SEMA4A: variants seen among roughly 807,000 people sequenced by gnomAD.
SEMA4A encodes semaphorin-4A.
SEMA4A carries 52 observed loss-of-function variants against 72.5 expected under a neutral mutation model. That is an observed-to-expected ratio of 0.72 (90% CI 0.57 to 0.90). The LOEUF (loss-of-function observed/expected upper bound fraction) is 0.90, where lower values mean the gene tolerates loss of function less well. Ranked by LOEUF, SEMA4A falls within the 40% of genes least tolerant of loss-of-function variation. The pLI is 0.00. For synonymous variants in SEMA4A, 369 were observed against 393.1 expected, an observed-to-expected ratio of 0.94 and a Z score of 0.73; for missense variants, 926 against 959.7, an observed-to-expected ratio of 0.96 and a Z score of 0.46.
chr1:156,175,006 G>A (rs1655175174), intron 12 of SEMA4A, 66 bp downstream of exon 12: 1 of 1,614,042 alleles, frequency 6.2e-7, no homozygotes, highest in African/African-American at 1.3e-5. Flanking sequence ...TGTTGGGCTG[G>A]CTCCCTGGGC....
At chr1:156,172,305 G>A (rs1308520092) in intron 10 of SEMA4A, among the ~76,000 whole-genome samples, 1 of 151,748 alleles carries the variant, frequency 6.6e-6, no homozygotes, top group Admixed American at 6.6e-5. Context: ...TAGTGGAGAC[G>A]GGGTTTCACC....
intron 6 of SEMA4A, 166 bp downstream of exon 6, chr1:156,158,990 A>G: frequency 3.8e-6 from 2 of 522,484 alleles, no homozygotes; most frequent in Admixed American, 4.8e-5. Context: ...GCTTGAGTTT[A>G]GGGGTTTGAG....
At chr1:156,156,653 C>G in intron 3 of SEMA4A, 79 bp downstream of exon 3, 1 of 1,394,978 alleles carries the variant, frequency 7.2e-7, no homozygotes, top group Non-Finnish European at 1.0e-6. Context: ...GCTGCCTGTG[C>G]ATGAATAACT....
intron 7 of SEMA4A, 53 bp from the exon 8 acceptor site, chr1:156,160,852 A>G: frequency 5.0e-6 from 8 of 1,611,932 alleles, no homozygotes; most frequent in Non-Finnish European, 5.9e-6. Context: ...ACTCAGGCAA[A>G]CCCAGGGCAT....
In SEMA4A at chr1:156,158,061, C is replaced by T. The variant is rs764751896; in HGVS notation, c.301-9C>T. The T allele has an allele frequency of 1.7e-5, 27 of 1,611,942 alleles. No homozygotes were observed. The Admixed American group carries it at 4.3e-4, about 26-fold the overall frequency. ...TTTTCATCTCGCCCTCCCAACTCCCCACTTTCAGATACCGTGGCCAGCCAG... is the reference window on the plus strand; with the variant it reads ...TTTTCATCTCGCCCTCCCAACTCCCTACTTTCAGATACCGTGGCCAGCCAG... On this transcript the variant is annotated splice_polypyrimidine_tract_variant and intron_variant, in intron 3 of 14. Transcript: ENST00000368285.
At position 156,172,917 on chromosome 1, in the gene SEMA4A, T is replaced by A. The variant is rs987629711; in HGVS notation, c.1226T>A (p.Val409Glu). ...CAAGTGGTGGGGACGCCCCTGCTGG[T>A]GAAATCTGGCGTGGAGTATACACGG... is the stretch of plus-strand genomic sequence containing the variant. The part of the protein sequence containing the change: ...DEQVVGTPLL[V>E]KSGVEYTRLA... The change falls in exon 11 of 15, where the codon GTG (valine) becomes GAG (glutamate). Residue 409 changes from valine to glutamate, a missense_variant. By Grantham distance (121) the Val-to-Glu change is moderately radical. Coordinates refer to ENST00000368285, the MANE Select transcript of SEMA4A (RefSeq NM_022367.4). 7 of 1,613,954 alleles carry A rather than the reference T, an allele frequency of 4.3e-6. No homozygotes were observed. In the Admixed American group the frequency reaches 8.3e-5, roughly 19 times the overall value.
rs1572433128 is a variant in SEMA4A at position 156,176,688 on chromosome 1, G to T, written c.1977G>T (p.Glu659Asp). ...LDPELAGIPR[E>D]HVKVPLTRVS... ...CTGAACTGGCAGGCATCCCCCGGGA[G>T]CATGTGAAGGTCCCGTTGACCAGGG... The change falls in exon 15 of 15, where the codon GAG (glutamate) becomes GAT (aspartate). Residue 659 changes from glutamate to aspartate, a missense_variant. By Grantham distance (45) the Glu-to-Asp change is conservative. Coordinates refer to ENST00000368285, the MANE Select transcript of SEMA4A (RefSeq NM_022367.4). 1 of 1,614,028 alleles carries T rather than the reference G, an allele frequency of 6.2e-7. No individual in the cohort carries two copies. The highest frequency in any genetic ancestry group is 1.1e-5 in the South Asian group (1 of 91,086).
chr1:156,159,132 G>A (rs1653340077), intron 6 of SEMA4A: 17 of 395,062 alleles, frequency 4.3e-5, no homozygotes, highest in South Asian at 3.8e-4. Context: ...CCAGGAGTCT[G>A]AGACCAGCCT....
chr1:156,158,982 T>C, intron 6 of SEMA4A, 158 bp downstream of exon 6: 2 of 703,798 alleles, frequency 2.8e-6, no homozygotes, highest in Non-Finnish European at 5.1e-6. Flanking sequence ...TGAAGGATGC[T>C]TGAGTTTAGG....
chr1:156,154,810 G>C (rs1652865033), intron 2 of SEMA4A, 93 bp downstream of exon 2: 4 of 1,426,904 alleles, frequency 2.8e-6, no homozygotes, highest in Non-Finnish European at 3.8e-6. Context: ...GGAGGAAATG[G>C]ATATGGAGAA....
At chr1:156,173,114 T>C in intron 11 of SEMA4A, 108 bp downstream of exon 11, 1 of 1,146,348 alleles carries the variant, frequency 8.7e-7, no homozygotes, top group Non-Finnish European at 1.3e-6. Context: ...AACAACTGTT[T>C]ACTGAGCACC....
intron 1 of SEMA4A, 132 bp from the exon 2 acceptor site, chr1:156,154,418 C>A: frequency 1.3e-6 from 1 of 782,378 alleles, no homozygotes; most frequent in Non-Finnish European, 2.1e-6. Flanking sequence ...GATAGGGAAC[C>A]TTCTCTGCCC....
chr1:156,171,774 A>T (rs116284708), intron 10 of SEMA4A, among the ~76,000 whole-genome samples: 24,888 of 150,354 alleles, frequency 0.17, 2,238 homozygotes, highest in Admixed American at 0.21. Context: ...TTAATTAATT[A>T]ATTAATTAAT....
chr1:156,163,443 C>A, intron 10 of SEMA4A: 1 of 316,486 alleles, frequency 3.2e-6, no homozygotes. Context: ...AGGCCAGGGC[C>A]GGGTGTGGTG....
At chr1:156,160,633 C>T in intron 7 of SEMA4A, 74 bp downstream of exon 7, 4 of 1,342,612 alleles carry the variant, frequency 3.0e-6, no homozygotes, top group Admixed American at 1.8e-5. Context: ...CTTTCATTTG[C>T]GGAAGGTACA....
rs985545891 is a variant in SEMA4A, at chr1:156,177,477, G to C, written c.*480G>C. On this transcript the variant is annotated 3_prime_UTR_variant, in exon 15 of 15. Coordinates refer to ENST00000368285, the MANE Select transcript of SEMA4A (RefSeq NM_022367.4). ...CTCCCTTCTCCCAGGGTCATGCAGG[G>C]ATCTGCTCCCTCCTGCTTCCCTTAC... is the stretch of plus-strand genomic sequence containing the variant. 3 of 239,602 alleles carry C rather than the reference G, an allele frequency of 1.3e-5. No individual in the cohort carries two copies. The highest frequency in any genetic ancestry group is 6.7e-5 in the African/African-American group (3 of 44,518). The allele number at this position is 239,602 out of a possible 1,614,324, so 14.8% of individuals were successfully genotyped here.
At chr1:156,167,185 G>T (rs778715904) in intron 10 of SEMA4A, among the ~76,000 whole-genome samples, 1 of 151,558 alleles carries the variant, frequency 6.6e-6, no homozygotes, top group East Asian at 2.0e-4. Context: ...ACCTGGGATT[G>T]TATAGATTAA....
chr1:156,175,751 C>T, intron 14 of SEMA4A, 95 bp downstream of exon 14: 1 of 892,666 alleles, frequency 1.1e-6, no homozygotes, highest in Non-Finnish European at 1.8e-6. Flanking sequence ...TCCCCCAGCA[C>T]CTGCCTGGCT....
intron 1 of SEMA4A, 30 bp from the exon 2 acceptor site, chr1:156,154,520 C>T: frequency 6.3e-7 from 1 of 1,575,556 alleles, no homozygotes; most frequent in Non-Finnish European, 8.6e-7. Flanking sequence ...ACTGCTCACC[C>T]AGAAAGTGCC....
Sources: gnomAD v4.1 joint callset for allele counts (sites outside exome capture counted in the v4.1 genomes callset) on GRCh38, gnomAD v4.1.1 for gene constraint, MANE v1.5 for transcripts, NCBI Gene and HGNC (gene_info 2026-07-23, HGNC 2026-07-21) for gene names.